CNIH3: variants seen among roughly 807,000 people sequenced by gnomAD.
CNIH3 encodes protein cornichon homolog 3.
A neutral mutation model predicts 24.1 loss-of-function variants in CNIH3; 14 were observed. That is an observed-to-expected ratio of 0.58 (90% CI 0.38 to 0.91). The LOEUF is 0.91. CNIH3 is among the 40% of genes least tolerant of loss of function. CNIH3 has a pLI of 0.00. For missense variants in CNIH3, 178 were observed against 196.8 expected (o/e 0.90, Z 0.57); for synonymous variants, 68 against 73.8 (o/e 0.92, Z 0.40).
intron 1 of CNIH3, among the ~76,000 whole-genome samples, chr1:224,447,263 G>A (rs944606800): frequency 6.6e-6 from 1 of 152,168 alleles, no homozygotes; most frequent in Non-Finnish European, 1.5e-5. Context: ...TCAAACTGAA[G>A]TCAAAGGCCC....
intron 1 of CNIH3, among the ~76,000 whole-genome samples, chr1:224,630,025 C>T (rs1683740427): frequency 1.3e-5 from 2 of 152,116 alleles, no homozygotes; most frequent in Admixed American, 6.5e-5. Flanking sequence ...TTGGGCTTTG[C>T]CAGGGAGTTT....
rs922230159 is a variant in CNIH3 at position 224,435,256 on chromosome 1, C to G, written n.203+394C>G. 6.2e-6 allele frequency: 6 copies of G among 970,166 alleles called. 1 individual carries two copies. The highest frequency in any genetic ancestry group is 7.4e-6 in the Non-Finnish European group (6 of 816,178). 60.1% of individuals were successfully genotyped at this position (970,166 alleles called of 1,614,324 possible). A position where few individuals can be genotyped will look rare whatever the true frequency, so the allele number is the denominator to read the frequency against. On this transcript the variant is annotated intron_variant and non_coding_transcript_variant, in intron 1 of 5. Coordinates refer to the CNIH3 transcript ENST00000471578. ...TTCCAGGCACAGGGCTGTGGTAGGC[C>G]CCTCTCAATGGTAACCAGGACCGAA...
intron 1 of CNIH3, among the ~76,000 whole-genome samples, chr1:224,505,365 T>C (rs1018918751): frequency 6.6e-6 from 1 of 151,712 alleles, no homozygotes; most frequent in Non-Finnish European, 1.5e-5. Flanking sequence ...ACGTAGTGGG[T>C]ACTCAGGTAC....
chr1:224,628,064 T>A (rs1461763445), intron 1 of CNIH3, among the ~76,000 whole-genome samples: 1 of 152,190 alleles, frequency 6.6e-6, no homozygotes, highest in East Asian at 1.9e-4. Context: ...TGGGTATTTC[T>A]GTTCAGACTC....
At chr1:224,526,157 C>T (rs957938720) in intron 2 of CNIH3, among the ~76,000 whole-genome samples, 2 of 152,196 alleles carry the variant, frequency 1.3e-5, no homozygotes, top group African/African-American at 4.8e-5. Flanking sequence ...GAATTTTATC[C>T]TCCTACAAAA....
rs999308438 is a variant in CNIH3, at chr1:224,458,677, A to G, written n.203+23815A>G. 2.0e-5 allele frequency among the ~76,000 whole-genome samples: 3 copies of G among 152,040 alleles called. No individual in the cohort carries two copies. Among genetic ancestry groups the G allele is most frequent in the Non-Finnish European group, 4.4e-5 (3 of 67,988 alleles). ...TTTATGAATTTGTTGAGACCTTACC[A>G]CTTTTCAAGTGTGTGTTCAGGAACA... is the stretch of plus-strand genomic sequence containing the variant. On this transcript the variant is annotated intron_variant and non_coding_transcript_variant, in intron 1 of 5. Coordinates refer to the CNIH3 transcript ENST00000471578. This position sits in a 1 kb window ranked among gnomAD's most constrained non-coding sequence, Gnocchi z 4.3.
intron 1 of CNIH3, among the ~76,000 whole-genome samples, chr1:224,436,341 TAA>T (rs1461161562): frequency 1.3e-5 from 2 of 152,188 alleles, no homozygotes; most frequent in Non-Finnish European, 2.9e-5. Context: ...ACCTTATTAT[TAA>T]AAGTGTTGTT....
chr1:224,620,388 G>A (rs1023680270), intron 1 of CNIH3, among the ~76,000 whole-genome samples: 5 of 152,186 alleles, frequency 3.3e-5, no homozygotes, highest in African/African-American at 1.2e-4. Context: ...TTAAGCCTAA[G>A]CCCTTTCTCT....
downstream of CNIH3, among the ~76,000 whole-genome samples, chr1:224,538,543 A>C (rs1291500428): frequency 6.6e-6 from 1 of 152,030 alleles, no homozygotes; most frequent in Non-Finnish European, 1.5e-5. Flanking sequence ...TTCAAACCCC[A>C]TGCCTCCCAG....
intron 3 of CNIH3, among the ~76,000 whole-genome samples, chr1:224,595,645 C>T (rs918263576): frequency 1.3e-5 from 2 of 152,124 alleles, no homozygotes; most frequent in Admixed American, 6.6e-5. Context: ...GAAGGCATAT[C>T]GAAAGTCGAG....
rs1042033695 is a variant in CNIH3, at chr1:224,704,307, C to A, written c.198+19464C>A. Among the ~76,000 whole-genome samples, 1 of 152,158 alleles carries A rather than the reference C, an allele frequency of 6.6e-6. No individual in the cohort carries two copies. The highest frequency in any genetic ancestry group is 6.5e-5 in the Admixed American group (1 of 15,282). On this transcript the variant is annotated intron_variant, in intron 3 of 5. Transcript: ENST00000272133. This position sits in a 1 kb window ranked among gnomAD's most constrained non-coding sequence, Gnocchi z 4.2. ...CCAGGGCAGTGTGGCCCTGCAGGGT[C>A]CTAACAGCTCTGAAAGCCAGCAGGG...
chr1:224,442,082 G>A (rs576067306), intron 1 of CNIH3, among the ~76,000 whole-genome samples: 8 of 144,372 alleles, frequency 5.5e-5, no homozygotes, highest in Middle Eastern at 3.7e-3. Flanking sequence ...GCAGTGGCAC[G>A]ATCATGGCTC....
intron 2 of CNIH3, among the ~76,000 whole-genome samples, chr1:224,523,220 C>T (rs543349263): frequency 6.6e-6 from 1 of 150,970 alleles, no homozygotes; most frequent in Non-Finnish European, 1.5e-5. Flanking sequence ...GCCTGGGTGA[C>T]AGAGAGGGAC....
chr1:224,679,341 A>G (rs1453226422), intron 1 of CNIH3, among the ~76,000 whole-genome samples: 1 of 152,122 alleles, frequency 6.6e-6, no homozygotes, highest in African/African-American at 2.4e-5. Flanking sequence ...CTCTGTCTCA[A>G]AACAAAAACA....
At chr1:224,442,013 A>ATTT (rs1167622615) in intron 1 of CNIH3, among the ~76,000 whole-genome samples, 14,409 of 119,618 alleles carry the variant, frequency 0.12, 1,100 homozygotes, top group Non-Finnish European at 0.19. Context: ...GATTCCCTTA[A>ATTT]TTTTTTTTTT....
Position 224,604,729 on chromosome 1 carries a change from G to A in CNIH3, n.402+38465G>A, listed in dbSNP as rs770520573. Among the ~76,000 whole-genome samples the A allele has an allele frequency of 7.9e-5, 12 of 152,194 alleles. No individual in the cohort carries two copies. The highest frequency in any genetic ancestry group is 4.1e-4 in the South Asian group (2 of 4,828). On this transcript the variant is annotated intron_variant and non_coding_transcript_variant, in intron 3 of 7. Transcript: ENST00000478120. This position sits in a 1 kb window ranked among gnomAD's most constrained non-coding sequence, Gnocchi z 4.4. ...ACTTTGCAAGCCAGGGACCCTTGCC[G>A]GTGACACCTGGCCCAGGCGTCACTT...
At chr1:224,488,472 G>GT (rs397734099) in intron 1 of CNIH3, among the ~76,000 whole-genome samples, 1 of 132,748 alleles carries the variant, frequency 7.5e-6, no homozygotes, top group East Asian at 2.6e-4. Context: ...TTTTTGGGGG[G>GT]TGGGGGGGAA....
intron 1 of CNIH3, among the ~76,000 whole-genome samples, chr1:224,673,741 T>C (rs1417508649): frequency 6.6e-6 from 1 of 152,244 alleles, no homozygotes; most frequent in Non-Finnish European, 1.5e-5. Context: ...GGACCTTCTG[T>C]TCTTTCTCAC....
chr1:224,669,156 C>T (rs1244021437), intron 1 of CNIH3, among the ~76,000 whole-genome samples: 1 of 152,192 alleles, frequency 6.6e-6, no homozygotes, highest in Non-Finnish European at 1.5e-5. Context: ...TGAAGCGAGT[C>T]AGCTGGGGCT....
Sources: gnomAD v4.1 joint callset for allele counts (sites outside exome capture counted in the v4.1 genomes callset) on GRCh38, gnomAD v4.1.1 for gene constraint, Gnocchi (gnomAD v3.1) non-coding constraint, MANE v1.5 for transcripts, NCBI Gene and HGNC (gene_info 2026-07-23, HGNC 2026-07-21) for gene names.